The following KIAA1958 variants were observed in gnomAD, a reference collection of about 807,000 sequenced individuals.
KIAA1958 encodes the protein KIAA1958.
Under a neutral mutation model 47.2 loss-of-function variants are expected in KIAA1958, and 14 were observed. The observed-to-expected ratio is 0.30, with a 90% CI of 0.20 to 0.46. The LOEUF is 0.46. KIAA1958 is among the 20% of genes least tolerant of loss of function. KIAA1958 has a pLI of 1.00. For missense variants in KIAA1958, 803 were observed against 909.2 expected, an observed-to-expected ratio of 0.88 and a Z score of 1.50; for synonymous variants, 354 against 353.3, an observed-to-expected ratio of 1.00 and a Z score of -0.02.
intron 1 of KIAA1958, among the ~76,000 whole-genome samples, chr9:112,539,447 A>G (rs1834904562): frequency 6.6e-6 from 1 of 152,194 alleles, no homozygotes; most frequent in Non-Finnish European, 1.5e-5. Context: ...TACATATTTC[A>G]TTTTCATGAA....
At chr9:112,643,694 G>A (rs1007571139) in intron 2 of KIAA1958, among the ~76,000 whole-genome samples, 10 of 152,078 alleles carry the variant, frequency 6.6e-5, no homozygotes, top group Admixed American at 1.3e-4. Context: ...ACAAAGACAT[G>A]GTCCTAAGGG....
chr9:112,582,183 G>A (rs945283638), intron 2 of KIAA1958, among the ~76,000 whole-genome samples: 6 of 152,106 alleles, frequency 3.9e-5, no homozygotes, highest in Non-Finnish European at 5.9e-5. Flanking sequence ...ATAGCACAAC[G>A]GGTGACTGTA....
intron 1 of KIAA1958, among the ~76,000 whole-genome samples, chr9:112,510,780 G>GC (rs1170400390): frequency 1.3e-5 from 2 of 152,050 alleles, no homozygotes; most frequent in Non-Finnish European, 2.9e-5. Context: ...GGAGTGCCAG[G>GC]CATGTGTAGG....
chr9:112,604,107 A>C (rs1203392365), intron 2 of KIAA1958, among the ~76,000 whole-genome samples: 2 of 152,218 alleles, frequency 1.3e-5, no homozygotes, highest in African/African-American at 4.8e-5. Flanking sequence ...AATAGAAGCA[A>C]ATGGATCTGA....
chr9:112,667,735 A>T lies in KIAA1958; in HGVS notation c.*7666A>T, dbSNP rs1362278358. 3 of 152,228 alleles carry T rather than the reference A, an allele frequency of 2.0e-5. No homozygotes were observed. Among genetic ancestry groups the T allele is most frequent in the African/African-American group, 7.2e-5 (3 of 41,452 alleles). The allele number at this position is 152,228 out of a possible 1,614,324, so 9.4% of individuals were successfully genotyped here. ...TTTTATACATATTTTATATGTTAAG[A>T]TACATAATTTTTTAGTTATGATAAC... On this transcript the variant is annotated 3_prime_UTR_variant, in exon 4 of 4. Transcript: ENST00000337530.
intron 1 of KIAA1958, among the ~76,000 whole-genome samples, chr9:112,511,347 A>C (rs547640673): frequency 3.9e-5 from 6 of 152,324 alleles, no homozygotes; most frequent in Admixed American, 2.0e-4. Flanking sequence ...GAAAAGTTTG[A>C]GAGTCACTGG....
chr9:112,524,308 T>C (rs1322298663), intron 1 of KIAA1958, among the ~76,000 whole-genome samples: 2 of 152,244 alleles, frequency 1.3e-5, no homozygotes, highest in Non-Finnish European at 2.9e-5. Context: ...GAATTGACTC[T>C]CTTTTGTGTA....
intron 2 of KIAA1958, among the ~76,000 whole-genome samples, chr9:112,596,323 A>C (rs1206316113): frequency 6.6e-6 from 1 of 152,166 alleles, no homozygotes; most frequent in South Asian, 2.1e-4. Context: ...AATAGTACCT[A>C]AAATTATATT....
chr9:112,550,654 C>T (rs190377535), intron 1 of KIAA1958, among the ~76,000 whole-genome samples: 1 of 152,234 alleles, frequency 6.6e-6, no homozygotes, highest in Non-Finnish European at 1.5e-5. Flanking sequence ...CCAGGTAGGC[C>T]CTCCCAGTTG....
In KIAA1958 at chr9:112,663,358, C is replaced by T. The variant is rs1443061332; in HGVS notation, c.*3289C>T. ...CAATTGAATATAGTTTAGTGCGGTA[C>T]CAGGCACATCATAAGCATGCAATAA... On this transcript the variant is annotated 3_prime_UTR_variant, in exon 4 of 4. Transcript: ENST00000337530. 1 of 152,070 alleles carries T rather than the reference C, an allele frequency of 6.6e-6. No individual in the cohort carries two copies. The highest frequency in any genetic ancestry group is 2.4e-5 in the African/African-American group (1 of 41,368). 9.4% of individuals were successfully genotyped at this position (152,070 alleles called of 1,614,324 possible).
intron 1 of KIAA1958, among the ~76,000 whole-genome samples, chr9:112,501,392 A>G (rs780960872): frequency 4.6e-5 from 7 of 152,156 alleles, no homozygotes; most frequent in African/African-American, 9.7e-5. Flanking sequence ...ATGGTGAGCT[A>G]TAATGGCGCC....
chr9:112,513,054 G>T (rs1165080165), intron 1 of KIAA1958, among the ~76,000 whole-genome samples: 1 of 142,664 alleles, frequency 7.0e-6, no homozygotes, highest in Non-Finnish European at 1.5e-5. Context: ...ACCCAGGCTG[G>T]AGTGCAGTGG....
At chr9:112,495,645 A>G (rs1210515559) in intron 1 of KIAA1958, among the ~76,000 whole-genome samples, 1 of 152,228 alleles carries the variant, frequency 6.6e-6, no homozygotes, top group East Asian at 1.9e-4. Context: ...AACTGGACAT[A>G]TGCTGCAAAT....
intron 1 of KIAA1958, among the ~76,000 whole-genome samples, chr9:112,509,442 C>G (rs1268382234): frequency 6.6e-6 from 1 of 152,078 alleles, no homozygotes; most frequent in East Asian, 1.9e-4. Context: ...CTCAGGTGAT[C>G]CACCCTCCTC....
At chr9:112,583,134 C>G (rs542384621) in intron 2 of KIAA1958, among the ~76,000 whole-genome samples, 9 of 152,158 alleles carry the variant, frequency 5.9e-5, no homozygotes, top group Non-Finnish European at 1.2e-4. Context: ...AGAATTCCCT[C>G]CTTTGTGCAT....
chr9:112,627,782 A>C (rs1836642944), intron 2 of KIAA1958, among the ~76,000 whole-genome samples: 1 of 152,134 alleles, frequency 6.6e-6, no homozygotes, highest in Non-Finnish European at 1.5e-5. Flanking sequence ...AATATTCAGT[A>C]ATTTTATTTC....
chr9:112,644,608 C>T (rs1836947222), intron 2 of KIAA1958, among the ~76,000 whole-genome samples: 1 of 152,180 alleles, frequency 6.6e-6, no homozygotes, highest in African/African-American at 2.4e-5. Flanking sequence ...TGGCAACCAA[C>T]ATTTAAAATT....
chr9:112,533,580 CAAA>C (rs57032014), intron 1 of KIAA1958, among the ~76,000 whole-genome samples: 7 of 125,386 alleles, frequency 5.6e-5, no homozygotes, highest in East Asian at 2.3e-4. Flanking sequence ...GACTCCATCC[CAAA>C]AAAAAAAAAA....
intron 2 of KIAA1958, among the ~76,000 whole-genome samples, chr9:112,588,316 C>T (rs1835864402): frequency 6.6e-6 from 1 of 152,112 alleles, no homozygotes; most frequent in Non-Finnish European, 1.5e-5. Flanking sequence ...CTGGTGCAGT[C>T]AGAGAAGAAT....
Sources: gnomAD v4.1 joint callset for allele counts (sites outside exome capture counted in the v4.1 genomes callset) on GRCh38, gnomAD v4.1.1 for gene constraint, MANE v1.5 for transcripts, NCBI Gene and HGNC (gene_info 2026-07-23, HGNC 2026-07-21) for gene names.